The following SLC8A3 variants were observed in gnomAD, a reference collection of about 807,000 sequenced individuals.
The protein encoded by SLC8A3 is solute carrier family 8 member A3, also known as sodium/calcium exchanger 3.
SLC8A3 carries 37 observed loss-of-function variants against 65.4 expected under a neutral mutation model. The ratio of observed to expected loss-of-function variants is 0.57; its 90% CI spans 0.44 to 0.74. The LOEUF (loss-of-function observed/expected upper bound fraction) is 0.74. SLC8A3 is among the 30% of genes least tolerant of loss of function. The pLI is 0.00. For synonymous variants in SLC8A3, 461 were observed against 444.5 expected, an observed-to-expected ratio of 1.04 and a Z score of -0.47; for missense variants, 1,112 against 1,172.1, an observed-to-expected ratio of 0.95 and a Z score of 0.75.
intron 2 of SLC8A3, among the ~76,000 whole-genome samples, chr14:70,143,263 C>A (rs1254994432): frequency 2.6e-5 from 4 of 152,180 alleles, no homozygotes; most frequent in East Asian, 1.9e-4. Context: ...TCCGTGTAAA[C>A]CTCGTAATAA....
At chr14:70,095,408 C>A (rs1029888673) in intron 2 of SLC8A3, among the ~76,000 whole-genome samples, 2 of 152,184 alleles carry the variant, frequency 1.3e-5, no homozygotes, top group African/African-American at 4.8e-5. Context: ...AGACCTGGAC[C>A]CCAGCCAGGT....
chr14:70,146,578 G>A (rs1201697261), intron 2 of SLC8A3, among the ~76,000 whole-genome samples: 1 of 152,088 alleles, frequency 6.6e-6, no homozygotes, highest in Non-Finnish European at 1.5e-5. Context: ...AAATAACCCT[G>A]CCTGGTATTT....
intron 1 of SLC8A3, among the ~76,000 whole-genome samples, chr14:70,176,291 G>A (rs2332268): frequency 0.014 from 2,071 of 152,264 alleles, 51 homozygotes; most frequent in African/African-American, 0.047. Context: ...CTACATCTGC[G>A]TTTAAGTCAT....
At chr14:70,108,375 G>C (rs983049201) in intron 2 of SLC8A3, among the ~76,000 whole-genome samples, 1 of 150,544 alleles carries the variant, frequency 6.6e-6, no homozygotes, top group Non-Finnish European at 1.5e-5. Flanking sequence ...ACTCCAGCCT[G>C]GGCGACAAAG....
At chr14:70,120,016 G>A (rs116817663) in intron 2 of SLC8A3, among the ~76,000 whole-genome samples, 213 of 152,272 alleles carry the variant, frequency 1.4e-3, no homozygotes, top group African/African-American at 4.9e-3. Flanking sequence ...GTCAATGCTA[G>A]GCTAGGTGGT....
chr14:70,144,564 G>T (rs932614259), intron 2 of SLC8A3, among the ~76,000 whole-genome samples: 9 of 151,218 alleles, frequency 6.0e-5, no homozygotes, highest in African/African-American at 2.2e-4. Context: ...TGGAGGCAGA[G>T]GTTGCAATGA....
chr14:70,079,078 T>C (rs1370092988), intron 2 of SLC8A3, among the ~76,000 whole-genome samples: 2 of 152,174 alleles, frequency 1.3e-5, no homozygotes, highest in African/African-American at 4.8e-5. Flanking sequence ...AATTGTTTCC[T>C]TATTTGTCTT....
rs532456793 is a variant in SLC8A3 at position 70,078,595 on chromosome 14, T to C, written c.1785-17656A>G. Among the ~76,000 whole-genome samples the C allele has an allele frequency of 5.3e-5, 8 of 152,332 alleles. No homozygotes were observed. In the East Asian group the frequency reaches 1.2e-3, roughly 22 times the overall value. Reference sequence around the variant, plus strand: ...ATAATTCACAGGCACTTCCCACTGATGGCTGGCTGACTTTAAGCTGCCAGT... The same window carrying C: ...ATAATTCACAGGCACTTCCCACTGACGGCTGGCTGACTTTAAGCTGCCAGT... On this transcript the variant is annotated intron_variant, in intron 2 of 6. Transcript: ENST00000356921.
chr14:70,048,528 T>A, intron 6 of SLC8A3: 3 of 630,842 alleles, frequency 4.8e-6, no homozygotes, highest in Middle Eastern at 4.1e-4. Context: ...AGGGGGAAAA[T>A]GTAAATGTGT....
chr14:70,117,320 T>C (rs1160344527), intron 2 of SLC8A3, among the ~76,000 whole-genome samples: 4 of 152,176 alleles, frequency 2.6e-5, no homozygotes, highest in Non-Finnish European at 4.4e-5. Flanking sequence ...TTCTGAAGGG[T>C]CATCTGTGCT....
chr14:70,129,947 C>T (rs545448622), intron 2 of SLC8A3, among the ~76,000 whole-genome samples: 2 of 152,340 alleles, frequency 1.3e-5, no homozygotes, highest in South Asian at 4.1e-4. Context: ...GGTGGGACAC[C>T]AGGATAAATA....
intron 2 of SLC8A3, among the ~76,000 whole-genome samples, chr14:70,110,631 T>A (rs1272894449): frequency 2.6e-5 from 4 of 151,958 alleles, no homozygotes; most frequent in African/African-American, 9.7e-5. Context: ...TTAGCTATTG[T>A]GAACAGTGCT....
rs1391902695 is a variant in SLC8A3 at position 70,049,049 on chromosome 14, G to A, written c.2114-7C>T. 8 of 1,598,210 alleles carry A rather than the reference G, an allele frequency of 5.0e-6. No homozygotes were observed. Among genetic ancestry groups the A allele is most frequent in the African/African-American group, 1.3e-5 (1 of 74,524 alleles). ...TCCTCATCCTCATCCCCTGCTGAAG[G>A]CAAGATAAACAGGCAAGAGAACGGG... On this transcript the variant is annotated splice_polypyrimidine_tract_variant and splice_region_variant and intron_variant, in intron 5 of 6. Transcript: ENST00000356921.
At chr14:70,148,655 C>T (rs773455620) in intron 2 of SLC8A3, among the ~76,000 whole-genome samples, 1 of 152,028 alleles carries the variant, frequency 6.6e-6, no homozygotes, top group African/African-American at 2.4e-5. Flanking sequence ...AATGCTGGGT[C>T]CCTCATGTTG....
chr14:70,164,058 C>T (rs1489772747), intron 2 of SLC8A3, among the ~76,000 whole-genome samples: 1 of 152,124 alleles, frequency 6.6e-6, no homozygotes, highest in Non-Finnish European at 1.5e-5. Context: ...GTTAATTCGT[C>T]AATATTACTA....
In SLC8A3 at chr14:70,096,027, G is replaced by A. The variant is rs565390783; in HGVS notation, c.1785-35088C>T. ...CTCCCAAGTAGCTGGGACTACAGGT[G>A]TGTGCCACCACGCCCAGCTAATTTT... On this transcript the variant is annotated intron_variant, in intron 2 of 6. Transcript: ENST00000356921. Among the ~76,000 whole-genome samples, 20 of 152,192 alleles carry A rather than the reference G, an allele frequency of 1.3e-4. No homozygotes were observed. The East Asian group carries it at 1.5e-3, about 12-fold the overall frequency.
chr14:70,070,054 T>A (rs1231434861), intron 2 of SLC8A3, among the ~76,000 whole-genome samples: 1 of 152,082 alleles, frequency 6.6e-6, no homozygotes, highest in Admixed American at 6.5e-5. Flanking sequence ...GATGGGGGGC[T>A]GGAGTCAAAG....
Position 70,167,947 on chromosome 14 carries a change from C to A in SLC8A3, c.476G>T (p.Gly159Val), listed in dbSNP as rs751196088. ...LLSLIEVCGH[G>V]FIAGDLGPST... Reference sequence around the variant, plus strand: ...AGGTCCCAGATCACCAGCAATGAACCCATGACCACACACCTCAATTAAAGA... The same window carrying A: ...AGGTCCCAGATCACCAGCAATGAACACATGACCACACACCTCAATTAAAGA... The change falls in exon 2 of 7, where the codon GGG becomes GTG. Residue 159 changes from glycine (G) to valine (V), a missense_variant. Physicochemically the swap from Gly to Val is moderately radical, Grantham distance 109. Coordinates refer to ENST00000356921, the MANE Select transcript of SLC8A3 (RefSeq NM_182932.3). The A allele has an allele frequency of 6.2e-7, 1 of 1,614,036 alleles. No individual in the cohort carries two copies. Among genetic ancestry groups the A allele is most frequent in the African/African-American group, 1.3e-5 (1 of 74,904 alleles).
chr14:70,075,319 AG>A (rs1206112696), intron 2 of SLC8A3, among the ~76,000 whole-genome samples: 2 of 152,062 alleles, frequency 1.3e-5, no homozygotes, highest in African/African-American at 4.8e-5. Flanking sequence ...CTCTCACCAG[AG>A]GAACTATCTG....
Sources: allele counts gnomAD v4.1 joint callset (sites outside exome capture counted in the v4.1 genomes callset), GRCh38; gene constraint gnomAD v4.1.1; transcripts MANE v1.5; gene names NCBI Gene and HGNC (gene_info 2026-07-23, HGNC 2026-07-21).